The following ZMAT3 variants were observed in gnomAD, a reference collection of about 807,000 sequenced individuals.
The protein encoded by ZMAT3 is zinc finger matrin-type protein 3.
In ZMAT3, 17 loss-of-function variants were observed where a neutral mutation model predicts 32.3. The ratio of observed to expected loss-of-function variants is 0.53; its 90% CI spans 0.36 to 0.79. ZMAT3 has a LOEUF of 0.79. Ranked by LOEUF, ZMAT3 falls within the 30% of genes least tolerant of loss-of-function variation. ZMAT3 has a pLI of 0.00. For missense variants in ZMAT3, 329 were observed against 359.7 expected, an observed-to-expected ratio of 0.91 and a Z score of 0.69; for synonymous variants, 120 against 133.1, an observed-to-expected ratio of 0.90 and a Z score of 0.68.
chr3:179,020,546 G>C lies in ZMAT3; in HGVS notation c.*4471C>G, dbSNP rs1432542804. 6.6e-6 allele frequency: 1 copy of C among 152,178 alleles called. No homozygotes were observed. The allele number at this position is 152,178 out of a possible 1,614,324, so 9.4% of individuals were successfully genotyped here. On this transcript the variant is annotated 3_prime_UTR_variant, in exon 6 of 6. Transcript: ENST00000311417. ...AGGTCAAATTTGTTTTAAAACATCT[G>C]TTCAAAAGCCTGCATTAAACTTTTA...
At chr3:179,048,342 C>T (rs1377337207) in intron 2 of ZMAT3, among the ~76,000 whole-genome samples, 2 of 152,124 alleles carry the variant, frequency 1.3e-5, no homozygotes, top group Non-Finnish European at 1.5e-5. Flanking sequence ...AAAAGATCAT[C>T]GCCTAGGCAT....
Position 179,046,011 on chromosome 3 carries a change from G to A in ZMAT3, c.271-15012C>T, listed in dbSNP as rs1028147391. 3.3e-5 allele frequency among the ~76,000 whole-genome samples: 5 copies of A among 152,226 alleles called. No homozygotes were observed. The highest frequency in any genetic ancestry group is 7.3e-5 in the Non-Finnish European group (5 of 68,046). ...AGTGGTTTAACTAGGAAAACACCCA[G>A]TACAGGCAACTATGCAGAAGAGCTC... On this transcript the variant is annotated intron_variant, in intron 2 of 5. Transcript: ENST00000311417. The surrounding 1 kb of genome is among the most constrained non-coding windows in gnomAD (Gnocchi z 4.3).
chr3:179,071,618 A>G lies in ZMAT3; in HGVS notation c.-81T>C. On this transcript the variant is annotated 5_prime_UTR_variant, in exon 1 of 6. Coordinates refer to ENST00000311417, the MANE Select transcript of ZMAT3 (RefSeq NM_022470.4). ...ACCGGAACCCCCGGGACGCGCCGGCAGTCTCCGCGCCGCGTCCGCCCGGGA... is the reference window on the plus strand; with the variant it reads ...ACCGGAACCCCCGGGACGCGCCGGCGGTCTCCGCGCCGCGTCCGCCCGGGA... The G allele has an allele frequency of 6.6e-6, 1 of 152,118 alleles. No individual in the cohort carries two copies. The highest frequency in any genetic ancestry group is 2.4e-5 in the African/African-American group (1 of 41,486). The allele number at this position is 152,118 out of a possible 1,614,324, so 9.4% of individuals were successfully genotyped here. A position where few individuals can be genotyped will look rare whatever the true frequency, so the allele number is the denominator to read the frequency against.
intron 2 of ZMAT3, among the ~76,000 whole-genome samples, chr3:179,043,518 A>G (rs1042174238): frequency 3.3e-4 from 50 of 152,348 alleles, no homozygotes; most frequent in African/African-American, 1.2e-3. Flanking sequence ...CTGGCTAGCC[A>G]TATGTAGAAA....
chr3:179,067,409 G>T, intron 2 of ZMAT3, 74 bp downstream of exon 2: 1 of 1,507,506 alleles, frequency 6.6e-7, no homozygotes, highest in Non-Finnish European at 9.1e-7. Flanking sequence ...CATATCTGGA[G>T]AGACAACTGC....
At chr3:179,071,396 A>AGGGCCAAGGCAGCTG (rs1269410919) in intron 1 of ZMAT3, 199 bp downstream of exon 1, 1 of 152,426 alleles carries the variant, frequency 6.6e-6, no homozygotes, top group Admixed American at 6.5e-5. Context: ...GGCAACTGAG[A>AGGGCCAAGGCAGCTG]GGGCCAAGGC....
At position 179,025,111 on chromosome 3, in the gene ZMAT3, A is replaced by G. The variant is rs1718795472; in HGVS notation, c.776T>C (p.Met259Thr). ...SMCNVGAGEE[M>T]EFRQHLESKQ... ...GCTCTCTAAATGCTGCCGGAATTCC[A>G]TCTCTTCGCCAGCTCCAACATTACA... The change falls in exon 6 of 6, where the codon ATG (methionine) becomes ACG (threonine). Residue 259 changes from methionine to threonine, a missense_variant. Met to Thr is a moderately conservative substitution (Grantham distance 81, BLOSUM62 -1). Transcript: ENST00000311417. The G allele has an allele frequency of 1.9e-6, 3 of 1,614,094 alleles. No individual in the cohort carries two copies. Among genetic ancestry groups the G allele is most frequent in the African/African-American group, 1.3e-5 (1 of 74,942 alleles).
At chr3:179,049,865 G>A (rs1292892655) in intron 2 of ZMAT3, among the ~76,000 whole-genome samples, 11 of 151,538 alleles carry the variant, frequency 7.3e-5, no homozygotes, top group African/African-American at 2.2e-4. Context: ...GGTGGTGGGC[G>A]CCTGTAGTCT....
intron 1 of ZMAT3, among the ~76,000 whole-genome samples, chr3:179,069,973 G>A (rs1357302032): frequency 6.6e-6 from 1 of 152,016 alleles, no homozygotes; most frequent in African/African-American, 2.4e-5. Context: ...AGACAGATAT[G>A]GTCATTTTAG....
chr3:179,025,110 C>T lies in ZMAT3; in HGVS notation c.777G>A (p.Met259Ile). The change falls in exon 6 of 6, where the codon ATG becomes ATA. Residue 259 changes from methionine to isoleucine, a missense_variant. Coordinates refer to ENST00000311417, the MANE Select transcript of ZMAT3 (RefSeq NM_022470.4). ...TGCTCTCTAAATGCTGCCGGAATTCCATCTCTTCGCCAGCTCCAACATTAC... is the reference window on the plus strand; with the variant it reads ...TGCTCTCTAAATGCTGCCGGAATTCTATCTCTTCGCCAGCTCCAACATTAC... The part of the protein sequence containing the change: ...SMCNVGAGEE[M>I]EFRQHLESKQ... The T allele has an allele frequency of 6.2e-7, 1 of 1,614,242 alleles. No homozygotes were observed. Among genetic ancestry groups the T allele is most frequent in the Non-Finnish European group, 8.5e-7 (1 of 1,180,040 alleles).
In ZMAT3 at chr3:179,031,934, T is replaced by TCCCTCTCCCTCCCCCTCC. The variant is rs1560085562; in HGVS notation, c.271-936_271-935insGGAGGGGGAGGGAGAGGG. Among the ~76,000 whole-genome samples, 7 of 5,016 alleles carry TCCCTCTCCCTCCCCCTCC rather than the reference T, an allele frequency of 1.4e-3. 3 individuals are homozygous for TCCCTCTCCCTCCCCCTCC. The highest frequency in any genetic ancestry group is 2.4e-3 in the Non-Finnish European group (7 of 2,978). The allele number at this position is 5,016 out of a possible 152,430, so 3.3% of individuals were successfully genotyped here. On this transcript the variant is annotated intron_variant, in intron 2 of 5. Coordinates refer to ENST00000311417, the MANE Select transcript of ZMAT3 (RefSeq NM_022470.4). The stretch of plus-strand genomic sequence containing the variant: ...ATAAAAAAAAAAAAAACTCTCCCTC[T>TCCCTCTCCCTCCCCCTCC]CCCTCCCCCTCCCCCTCCCCCTCCC...
chr3:179,030,964 A>G lies in ZMAT3; in HGVS notation c.306T>C (p.Tyr102=). The change falls in exon 3 of 6, where the codon TAT becomes TAC. Residue 102 remains tyrosine (Y), a synonymous_variant. Coordinates refer to ENST00000311417, the MANE Select transcript of ZMAT3 (RefSeq NM_022470.4). ...KNHGKKLRNY[Y]AANSCPPPAR... ...CAGGAGGAGGACAGCTATTTGCTGC[A>G]TAGTAATTTCGGAGTTTCTTACCAT... 1 of 1,613,694 alleles carries G rather than the reference A, an allele frequency of 6.2e-7. No homozygotes were observed. The highest frequency in any genetic ancestry group is 8.5e-7 in the Non-Finnish European group (1 of 1,179,806).
chr3:179,048,314 C>A (rs762089256), intron 2 of ZMAT3, among the ~76,000 whole-genome samples: 1 of 152,232 alleles, frequency 6.6e-6, no homozygotes, highest in South Asian at 2.1e-4. Context: ...TCAAAGAACA[C>A]CTAGGAAATT....
chr3:179,047,232 G>A (rs1720288921), intron 2 of ZMAT3, among the ~76,000 whole-genome samples: 1 of 152,146 alleles, frequency 6.6e-6, no homozygotes, highest in Non-Finnish European at 1.5e-5. Context: ...AGCTCCACTA[G>A]GTGGCTAGAT....
At chr3:179,025,290 A>C (rs1225961754) in intron 5 of ZMAT3, 62 bp from the exon 6 acceptor site, 1 of 1,296,158 alleles carries the variant, frequency 7.7e-7, no homozygotes, top group Admixed American at 2.0e-5. Context: ...CAACCTGACC[A>C]ATTATCACTG....
At chr3:179,069,846 A>G (rs1721620188) in intron 1 of ZMAT3, among the ~76,000 whole-genome samples, 2 of 152,238 alleles carry the variant, frequency 1.3e-5, no homozygotes, top group Admixed American at 1.3e-4. Context: ...TGTACTGCCC[A>G]TATCTCTGGG....
intron 2 of ZMAT3, among the ~76,000 whole-genome samples, chr3:179,042,073 T>G (rs1719968072): frequency 6.6e-6 from 1 of 152,202 alleles, no homozygotes; most frequent in African/African-American, 2.4e-5. Context: ...TAACAGGCTC[T>G]GAAATTGAGG....
chr3:179,025,637 A>G (rs571921799), intron 5 of ZMAT3, among the ~76,000 whole-genome samples: 2 of 152,356 alleles, frequency 1.3e-5, no homozygotes, highest in Admixed American at 1.3e-4. Flanking sequence ...ATTTAATAGC[A>G]ATATGTTTAT....
intron 2 of ZMAT3, among the ~76,000 whole-genome samples, chr3:179,031,611 A>T (rs1386233862): frequency 6.6e-6 from 1 of 152,152 alleles, no homozygotes; most frequent in African/African-American, 2.4e-5. Context: ...TATGTTTCTT[A>T]AAAAGTATCA....
Sources: gnomAD v4.1 joint callset for allele counts (sites outside exome capture counted in the v4.1 genomes callset) on GRCh38, gnomAD v4.1.1 for gene constraint, Gnocchi (gnomAD v3.1) non-coding constraint, MANE v1.5 for transcripts, NCBI Gene and HGNC (gene_info 2026-07-23, HGNC 2026-07-21) for gene names.